The following RITA1 variants were observed in gnomAD, a reference collection of about 807,000 sequenced individuals.
RITA1 encodes the protein RBPJ interacting and tubulin associated 1, also known as RBPJ-interacting and tubulin-associated protein 1.
Under a neutral mutation model 8.7 loss-of-function variants are expected in RITA1, and 15 were observed. The ratio of observed to expected loss-of-function variants is 1.72; its 90% CI spans 1.15 to 2.65. The LOEUF is 2.65. Ranked by LOEUF, RITA1 falls within the 30% of genes most tolerant of loss-of-function variation. RITA1 has a pLI of 0.00. For synonymous variants in RITA1, 145 were observed against 156.2 expected (o/e 0.93, Z 0.53); for missense variants, 330 against 363.8 (o/e 0.91, Z 0.76).
At position 113,191,637 on chromosome 12, in the gene RITA1, TGGTCATCCAGCCACCA is replaced by T; in HGVS notation, c.632_647del (p.Gly211ValfsTer18). ...TCACCCACCTGAATGTCCCCAGCAC[TGGTCATCCAGCCACCA>T]GTGCCCCCCACACAAATGGGCCTCA... is the stretch of plus-strand genomic sequence containing the variant. On this transcript the variant is annotated frameshift_variant, in exon 4 of 4. Transcript: ENST00000548278. LOFTEE classifies it low-confidence loss of function (END_TRUNC). This position sits in a 1 kb window ranked among gnomAD's most constrained non-coding sequence, Gnocchi z 4.0. The T allele has an allele frequency of 6.2e-7, 1 of 1,614,102 alleles. No individual in the cohort carries two copies. Among genetic ancestry groups the T allele is most frequent in the Middle Eastern group, 1.6e-4 (1 of 6,062 alleles).
In RITA1 at chr12:113,192,029, C is replaced by T; in HGVS notation, c.*212C>T. 1 of 633,788 alleles carries T rather than the reference C, an allele frequency of 1.6e-6. No individual in the cohort carries two copies. Among genetic ancestry groups the T allele is most frequent in the South Asian group, 2.2e-5 (1 of 44,620 alleles). The allele number at this position is 633,788 out of a possible 1,614,324, so 39.3% of individuals were successfully genotyped here. On this transcript the variant is annotated 3_prime_UTR_variant, in exon 4 of 4. Transcript: ENST00000548278. ...CTCCCGATTGCGGATTTGGGGGCCA[C>T]CTCTAAGATGCCTCTCTCCAGCCCT...
chr12:113,186,047 G>A (rs1389549052), intron 1 of RITA1, 26 bp downstream of exon 1: 3 of 1,536,046 alleles, frequency 2.0e-6, no homozygotes, highest in South Asian at 2.4e-5. Flanking sequence ...AAAAATGCAG[G>A]GACCTCGGGC....
At position 113,191,380 on chromosome 12, in the gene RITA1, G is replaced by C. The variant is rs553455240; in HGVS notation, c.373G>C (p.Gly125Arg). Residue 125 changes from glycine to arginine, a missense_variant, in exon 4 of 4, where the codon GGG becomes CGG. By Grantham distance (125) the Gly-to-Arg change is moderately radical. Transcript: ENST00000548278. The surrounding 1 kb of genome is among the most constrained non-coding windows in gnomAD (Gnocchi z 4.0). ...FGSRSEGASF[G>R]APRMAKGDAA... is the part of the protein sequence containing the mutation. ...CTCCCGATCTGAAGGCGCCAGCTTC[G>C]GGGCCCCGCGGATGGCGAAGGGGGA... 9.1e-5 allele frequency: 146 copies of C among 1,598,004 alleles called. 1 individual carries two copies. The South Asian group carries it at 1.5e-3, about 17-fold the overall frequency.
At chr12:113,189,173 G>A (rs1002595083) in intron 3 of RITA1, among the ~76,000 whole-genome samples, 1 of 151,900 alleles carries the variant, frequency 6.6e-6, no homozygotes, top group African/African-American at 2.4e-5. Flanking sequence ...TTGGGGTTAG[G>A]GCTTCAACAT....
In RITA1 at chr12:113,186,037, A is replaced by C. The variant is rs1163874195; in HGVS notation, c.-197+16A>C. Reference sequence around the variant, plus strand: ...AGATGCTCAGGTAGGAGAACAACCCAAAAATGCAGGGACCTCGGGCACTTT... The same window carrying C: ...AGATGCTCAGGTAGGAGAACAACCCCAAAATGCAGGGACCTCGGGCACTTT... On this transcript the variant is annotated intron_variant, in intron 1 of 3. Transcript: ENST00000548278. The C allele has an allele frequency of 3.3e-6, 5 of 1,536,024 alleles. No homozygotes were observed. The South Asian group carries it at 4.8e-5, about 15-fold the overall frequency.
At chr12:113,188,222 T>G (rs1328911925) in intron 3 of RITA1, among the ~76,000 whole-genome samples, 4 of 151,346 alleles carry the variant, frequency 2.6e-5, no homozygotes, top group East Asian at 3.9e-4. Flanking sequence ...CTTAATTTTT[T>G]TTTTTTTTTT....
chr12:113,188,930 C>T (rs1287217571), intron 3 of RITA1, among the ~76,000 whole-genome samples: 1 of 150,564 alleles, frequency 6.6e-6, no homozygotes, highest in Admixed American at 6.6e-5. Flanking sequence ...CTGCCTCAGC[C>T]TCCCGAGTAG....
rs754723531 is a variant in RITA1 at position 113,186,881 on chromosome 12, C to T, written c.135C>T (p.Thr45=). Residue 45 remains threonine (T), a synonymous_variant, in exon 3 of 4, where the codon ACC becomes ACT. Coordinates refer to ENST00000548278, the MANE Select transcript of RITA1 (RefSeq NM_032848.3). ...DETLFGSPAG[T]RPTPPDFDPP... is the part of the protein sequence containing the mutation. ...CTCTGTTTGGCAGCCCAGCAGGCACCCGGCCTACCCCACCGGACTTCGATC... is the reference window on the plus strand; with the variant it reads ...CTCTGTTTGGCAGCCCAGCAGGCACTCGGCCTACCCCACCGGACTTCGATC... 5.6e-6 allele frequency: 9 copies of T among 1,614,040 alleles called. No homozygotes were observed. The highest frequency in any genetic ancestry group is 6.8e-6 in the Non-Finnish European group (8 of 1,180,016).
Position 113,185,922 on chromosome 12 carries a change from G to GCGCGCCCC in RITA1, c.-288_-281dup, listed in dbSNP as rs1952530523. ...GATTGACGGGGATCCCGGATGCACC[G>GCGCGCCCC]CGCGCCCCCGCGCCCTCACCGACGG... is the stretch of plus-strand genomic sequence containing the variant. On this transcript the variant is annotated 5_prime_UTR_variant, in exon 1 of 4. An upstream open reading frame in the 5' UTR loses its in-frame stop. Coordinates refer to ENST00000548278, the MANE Select transcript of RITA1 (RefSeq NM_032848.3). 1 of 1,496,034 alleles carries GCGCGCCCC rather than the reference G, an allele frequency of 6.7e-7. No individual in the cohort carries two copies. The highest frequency in any genetic ancestry group is 9.0e-7 in the Non-Finnish European group (1 of 1,114,936). The allele number at this position is 1,496,034 out of a possible 1,614,324, so 92.7% of individuals were successfully genotyped here.
intron 3 of RITA1, among the ~76,000 whole-genome samples, chr12:113,190,584 G>A (rs566889180): frequency 6.6e-6 from 1 of 152,314 alleles, no homozygotes; most frequent in African/African-American, 2.4e-5. Flanking sequence ...AGGAATTTGA[G>A]GCTGCTGTGA....
intron 3 of RITA1, among the ~76,000 whole-genome samples, chr12:113,189,059 C>T (rs182326476): frequency 2.8e-4 from 42 of 151,968 alleles, no homozygotes; most frequent in Admixed American, 8.5e-4. Flanking sequence ...GTTCTCCCGC[C>T]TCTGCTTTCC....
chr12:113,191,656 G>GCCCC lies in RITA1; in HGVS notation c.652_655dup (p.His219ProfsTer31), dbSNP rs760575364. On this transcript the variant is annotated frameshift_variant, in exon 4 of 4. Transcript: ENST00000548278. LOFTEE classifies it low-confidence loss of function (END_TRUNC). This position sits in a 1 kb window ranked among gnomAD's most constrained non-coding sequence, Gnocchi z 4.0. ...CAGCACTGGTCATCCAGCCACCAGT[G>GCCCC]CCCCCCACACAAATGGGCCTCAGGA... The GCCCC allele has an allele frequency of 6.2e-7, 1 of 1,614,100 alleles. No individual in the cohort carries two copies. The highest frequency in any genetic ancestry group is 1.3e-5 in the African/African-American group (1 of 75,042).
chr12:113,188,716 C>T (rs998758067), intron 3 of RITA1, among the ~76,000 whole-genome samples: 4 of 146,412 alleles, frequency 2.7e-5, no homozygotes, highest in African/African-American at 1.0e-4. Flanking sequence ...GATGTCTCTT[C>T]CTCTCATAAG....
intron 3 of RITA1, among the ~76,000 whole-genome samples, chr12:113,190,052 G>A (rs1378368539): frequency 6.7e-5 from 9 of 135,336 alleles, no homozygotes; most frequent in African/African-American, 2.0e-4. Flanking sequence ...AAAAAAGGCC[G>A]GGCGCAGTGA....
rs979614397 is a variant in RITA1 at position 113,186,293 on chromosome 12, T to G, written c.-88T>G. On this transcript the variant is annotated 5_prime_UTR_variant, in exon 2 of 4. It removes an upstream start codon present in the reference 5' UTR. Coordinates refer to ENST00000548278, the MANE Select transcript of RITA1 (RefSeq NM_032848.3). Reference sequence around the variant, plus strand: ...CTGTTGAGAGGATTAAATGAAACAATGCTTGTAAAGCTCTTTGCAGGAGGT... The same window carrying G: ...CTGTTGAGAGGATTAAATGAAACAAGGCTTGTAAAGCTCTTTGCAGGAGGT... 2.5e-5 allele frequency: 35 copies of G among 1,394,352 alleles called. No individual in the cohort carries two copies. The highest frequency in any genetic ancestry group is 2.6e-4 in the Middle Eastern group (1 of 3,880). 86.4% of individuals were successfully genotyped at this position (1,394,352 alleles called of 1,614,324 possible). A position where few individuals can be genotyped will look rare whatever the true frequency, so the allele number is the denominator to read the frequency against.
rs749923978 is a variant in RITA1 at position 113,186,695 on chromosome 12, G to A, written c.-52G>A. 6.3e-7 allele frequency: 1 copy of A among 1,596,746 alleles called. No homozygotes were observed. The highest frequency in any genetic ancestry group is 1.1e-5 in the South Asian group (1 of 90,220). On this transcript the variant is annotated 5_prime_UTR_variant, in exon 3 of 4. Transcript: ENST00000548278. ...CCTCCTCTCACAGGGAGCCTCGGAA[G>A]CAGGGCCTGGCCGGCAGAGCACACC...
In RITA1 at chr12:113,186,925, C is replaced by T. The variant is rs773950697; in HGVS notation, c.179C>T (p.Ala60Val). ...TTCGATCCGCCCTGGGTGGAGAAGG[C>T]TAACAGAACCAGAGGCGTGGGCAAG... ...PDFDPPWVEK[A>V]NRTRGVGKEA... The change falls in exon 3 of 4, where the codon GCT (alanine) becomes GTT (valine). Residue 60 changes from alanine (A) to valine (V), a missense_variant. Coordinates refer to ENST00000548278, the MANE Select transcript of RITA1 (RefSeq NM_032848.3). 1 of 1,614,100 alleles carries T rather than the reference C, an allele frequency of 6.2e-7. No individual in the cohort carries two copies. Among genetic ancestry groups the T allele is most frequent in the South Asian group, 1.1e-5 (1 of 91,080 alleles).
Position 113,186,290 on chromosome 12 carries a change from C to A in RITA1, c.-91C>A. ...GTGCTGTTGAGAGGATTAAATGAAA[C>A]AATGCTTGTAAAGCTCTTTGCAGGA... On this transcript the variant is annotated 5_prime_UTR_variant, in exon 2 of 4. Coordinates refer to ENST00000548278, the MANE Select transcript of RITA1 (RefSeq NM_032848.3). 7.2e-7 allele frequency: 1 copy of A among 1,394,418 alleles called. No homozygotes were observed. Among genetic ancestry groups the A allele is most frequent in the Non-Finnish European group, 9.3e-7 (1 of 1,075,132 alleles). 86.4% of individuals were successfully genotyped at this position (1,394,418 alleles called of 1,614,324 possible). A position where few individuals can be genotyped will look rare whatever the true frequency, so the allele number is the denominator to read the frequency against.
chr12:113,189,738 A>T (rs1406349314), intron 3 of RITA1, among the ~76,000 whole-genome samples: 1 of 150,602 alleles, frequency 6.6e-6, no homozygotes, highest in Non-Finnish European at 1.5e-5. Context: ...TGAATAAAAA[A>T]AAAAAAAAAA....
Sources: gnomAD v4.1 joint callset for allele counts (sites outside exome capture counted in the v4.1 genomes callset) on GRCh38, gnomAD v4.1.1 for gene constraint, Gnocchi (gnomAD v3.1) non-coding constraint, MANE v1.5 for transcripts, NCBI Gene and HGNC (gene_info 2026-07-23, HGNC 2026-07-21) for gene names.